SLC14A2: variants seen among roughly 807,000 people sequenced by gnomAD.
SLC14A2 encodes the protein urea transporter 2.
Under a neutral mutation model 104.6 loss-of-function variants are expected in SLC14A2, and 91 were observed. That is an observed-to-expected ratio of 0.87 (90% CI 0.73 to 1.04). SLC14A2 has a LOEUF of 1.04. SLC14A2 is among the 50% of genes least tolerant of loss of function. The pLI, the probability that SLC14A2 is intolerant of heterozygous loss-of-function variation, is 0.00. For synonymous variants in SLC14A2, 476 were observed against 466.4 expected (o/e 1.02, Z -0.27); for missense variants, 1,189 against 1,156.0 (o/e 1.03, Z -0.41).
At chr18:45,477,898 A>G (rs1014650505) in intron 1 of SLC14A2, among the ~76,000 whole-genome samples, 1 of 152,224 alleles carries the variant, frequency 6.6e-6, no homozygotes, top group Non-Finnish European at 1.5e-5. Flanking sequence ...ATTTCAAGCC[A>G]GTGGATCTTA....
intron 1 of SLC14A2, among the ~76,000 whole-genome samples, chr18:45,481,632 C>G (rs2087495198): frequency 1.3e-5 from 2 of 152,212 alleles, no homozygotes; most frequent in South Asian, 4.1e-4. Flanking sequence ...GTTTATCCAG[C>G]TTAGTAATTT....
chr18:45,209,373 C>A (rs1287053984), upstream of SLC14A2, among the ~76,000 whole-genome samples: 6 of 151,222 alleles, frequency 4.0e-5, no homozygotes, highest in Non-Finnish European at 8.9e-5. Flanking sequence ...ACAACAACAA[C>A]AACAACTGTG....
intron 1 of SLC14A2, among the ~76,000 whole-genome samples, chr18:45,312,941 GGTTGGCCTC>G (rs2085093599): frequency 6.6e-6 from 1 of 152,152 alleles, no homozygotes; most frequent in Non-Finnish European, 1.5e-5. Flanking sequence ...CAGGGAAGCC[GGTTGGCCTC>G]GTCAGTGATG....
chr18:45,538,592 T>C (rs897414434), intron 2 of SLC14A2, among the ~76,000 whole-genome samples: 1 of 152,146 alleles, frequency 6.6e-6, no homozygotes, highest in Non-Finnish European at 1.5e-5. Context: ...GCTTGCTTCC[T>C]CCAGAGTGAG....
In SLC14A2 at chr18:45,239,262, C is replaced by T. The variant is rs528013587; in HGVS notation, c.-125+26071C>T. ...AGATGAACCAACTCTTTCTAGGCTCCCATTCCAATCCCACTGCCACTGTCC... is the reference window on the plus strand; with the variant it reads ...AGATGAACCAACTCTTTCTAGGCTCTCATTCCAATCCCACTGCCACTGTCC... On this transcript the variant is annotated intron_variant, in intron 1 of 20. Transcript: ENST00000586448. Among the ~76,000 whole-genome samples, 70 of 152,290 alleles carry T rather than the reference C, an allele frequency of 4.6e-4. No individual in the cohort carries two copies. In the East Asian group the frequency reaches 6.8e-3, roughly 15 times the overall value.
the SLC14A2 span, among the ~76,000 whole-genome samples, chr18:45,172,953 G>A: frequency 3.3e-5 from 5 of 152,088 alleles, no homozygotes; most frequent in Non-Finnish European, 2.9e-5. Flanking sequence ...TTTAGGGAAA[G>A]TCACTCTTCT....
At chr18:45,539,866 A>G in intron 2 of SLC14A2, among the ~76,000 whole-genome samples, 1 of 151,730 alleles carries the variant, frequency 6.6e-6, no homozygotes, top group Non-Finnish European at 1.5e-5. Flanking sequence ...CCACTAAGCC[A>G]TGACAGAAAG....
At chr18:45,251,518 T>TTCCTAGG (rs1204720031) in intron 1 of SLC14A2, among the ~76,000 whole-genome samples, 5 of 152,186 alleles carry the variant, frequency 3.3e-5, no homozygotes, top group Non-Finnish European at 7.4e-5. Flanking sequence ...AAAAAACACA[T>TTCCTAGG]ACTGAATGGC....
chr18:45,504,510 A>G (rs1247766476), intron 2 of SLC14A2, among the ~76,000 whole-genome samples: 1 of 152,160 alleles, frequency 6.6e-6, no homozygotes, highest in Non-Finnish European at 1.5e-5. Context: ...TCCCATCTCT[A>G]TGGCTGCTAG....
At chr18:45,587,350 A>ACAAT (rs1488103589) in intron 2 of SLC14A2, among the ~76,000 whole-genome samples, 1 of 152,212 alleles carries the variant, frequency 6.6e-6, no homozygotes, top group Non-Finnish European at 1.5e-5. Context: ...GTGCCAACAC[A>ACAAT]CAATCAGTTG....
At chr18:45,524,219 A>G (rs895811220) in intron 2 of SLC14A2, among the ~76,000 whole-genome samples, 4 of 152,220 alleles carry the variant, frequency 2.6e-5, no homozygotes, top group Admixed American at 2.6e-4. Context: ...TTGACTGTTT[A>G]CAGACCTGTT....
At chr18:45,203,433 G>A in the SLC14A2 span, among the ~76,000 whole-genome samples, 4 of 152,144 alleles carry the variant, frequency 2.6e-5, no homozygotes, top group Admixed American at 6.5e-5. Context: ...TCTTGCTAAC[G>A]TTTGGAAATC....
At chr18:45,396,127 T>C (rs1386297250) in intron 1 of SLC14A2, among the ~76,000 whole-genome samples, 2 of 152,222 alleles carry the variant, frequency 1.3e-5, no homozygotes, top group African/African-American at 4.8e-5. Context: ...TTTATCCATA[T>C]TCCAGTTGTG....
In SLC14A2 at chr18:45,648,266, C is replaced by T. The variant is rs561470736; in HGVS notation, c.1351+4106C>T. 4.5e-3 allele frequency among the ~76,000 whole-genome samples: 631 copies of T among 139,674 alleles called. 3 individuals carry two copies. Among genetic ancestry groups the T allele is most frequent in the Middle Eastern group, 0.013 (3 of 234 alleles). The allele number at this position is 139,674 out of a possible 152,430, so 91.6% of individuals were successfully genotyped here. A position where few individuals can be genotyped will look rare whatever the true frequency, so the allele number is the denominator to read the frequency against. On this transcript the variant is annotated intron_variant, in intron 10 of 19. Coordinates refer to ENST00000255226, the MANE Select transcript of SLC14A2 (RefSeq NM_007163.4). ...TATCGCCCAGGCTGGAGTGCAGTGG[C>T]ACCATCTGGGCTCACTGCAAGCTCC... is the stretch of plus-strand genomic sequence containing the variant.
chr18:45,391,799 T>G (rs2085970710), intron 1 of SLC14A2, among the ~76,000 whole-genome samples: 1 of 152,268 alleles, frequency 6.6e-6, no homozygotes, highest in African/African-American at 2.4e-5. Context: ...TACATTTGTT[T>G]GAGTTCATTG....
chr18:45,352,028 C>T (rs1427306403), intron 1 of SLC14A2, among the ~76,000 whole-genome samples: 1 of 152,168 alleles, frequency 6.6e-6, no homozygotes, highest in Non-Finnish European at 1.5e-5. Flanking sequence ...CATCTGACAA[C>T]AGCAGGTGAT....
intron 4 of SLC14A2, among the ~76,000 whole-genome samples, chr18:45,631,675 G>A (rs2045347761): frequency 1.3e-5 from 2 of 152,334 alleles, no homozygotes; most frequent in Non-Finnish European, 2.9e-5. Flanking sequence ...GGACTGGAGG[G>A]CAATGGTGAG....
At chr18:45,604,512 A>G (rs2044838456) in intron 2 of SLC14A2, among the ~76,000 whole-genome samples, 1 of 152,210 alleles carries the variant, frequency 6.6e-6, no homozygotes, top group Non-Finnish European at 1.5e-5. Context: ...TAAATGCATC[A>G]GGAACATCAG....
intron 1 of SLC14A2, among the ~76,000 whole-genome samples, chr18:45,399,066 C>T (rs560618008): frequency 6.6e-6 from 1 of 152,332 alleles, no homozygotes; most frequent in South Asian, 2.1e-4. Context: ...CATCTCATTT[C>T]ATCCTCACAA....
Sources: allele counts gnomAD v4.1 joint callset (sites outside exome capture counted in the v4.1 genomes callset), GRCh38; gene constraint gnomAD v4.1.1; transcripts MANE v1.5; gene names NCBI Gene and HGNC (gene_info 2026-07-23, HGNC 2026-07-21).